The following PCDH15 variants were observed in gnomAD, a reference collection of about 807,000 sequenced individuals.
The protein encoded by PCDH15 is protocadherin related 15, also known as protocadherin-15.
A neutral mutation model predicts 178.5 loss-of-function variants in PCDH15; 129 were observed. The ratio of observed to expected loss-of-function variants is 0.72; its 90% CI spans 0.63 to 0.84. The LOEUF is 0.84. PCDH15 is among the 40% of genes least tolerant of loss of function. The pLI is 0.00. For synonymous variants in PCDH15, 800 were observed against 732.0 expected (o/e 1.09, Z -1.50); for missense variants, 2,230 against 2,099.9 (o/e 1.06, Z -1.21).
intron 2 of PCDH15, among the ~76,000 whole-genome samples, chr10:54,530,168 G>A (rs2083766492): frequency 6.6e-6 from 1 of 151,984 alleles, no homozygotes; most frequent in South Asian, 2.1e-4. Context: ...TCATATTCCA[G>A]CCCTTCCTCA....
chr10:54,056,870 G>A (rs186502895), intron 18 of PCDH15, among the ~76,000 whole-genome samples: 1 of 152,210 alleles, frequency 6.6e-6, no homozygotes, highest in African/African-American at 2.4e-5. Flanking sequence ...GGGGATACAG[G>A]CATTGGGTAA....
chr10:54,164,792 T>G (rs1049246847), intron 13 of PCDH15, among the ~76,000 whole-genome samples: 3 of 151,926 alleles, frequency 2.0e-5, no homozygotes, highest in Non-Finnish European at 4.4e-5. Context: ...TGAGTGCAGA[T>G]GACTTAGAAG....
At chr10:55,459,558 C>G (rs1270294563) in intron 2 of PCDH15, among the ~76,000 whole-genome samples, 1 of 151,918 alleles carries the variant, frequency 6.6e-6, no homozygotes, top group African/African-American at 2.4e-5. Flanking sequence ...GTGAGCAAGG[C>G]TGAAGTGGGA....
At chr10:54,235,680 T>C (rs1175024806) in intron 9 of PCDH15, among the ~76,000 whole-genome samples, 2 of 152,164 alleles carry the variant, frequency 1.3e-5, no homozygotes, top group African/African-American at 4.8e-5. Context: ...TGTTTTAATG[T>C]TTTTTAGCCA....
rs149105799 is a variant in PCDH15, at chr10:55,172,621, T to C, written c.-155-5970A>G. Among the ~76,000 whole-genome samples the C allele has an allele frequency of 3.1e-3, 474 of 152,184 alleles. 1 individual carries two copies. Among genetic ancestry groups the C allele is most frequent in the South Asian group, 0.02 (96 of 4,832 alleles). ...CTACAATAACTCCATGAAATTATTTTTGGCATACTTCAAGAGTATGTATTT... is the reference window on the plus strand; with the variant it reads ...CTACAATAACTCCATGAAATTATTTCTGGCATACTTCAAGAGTATGTATTT... On this transcript the variant is annotated intron_variant, in intron 1 of 5. Coordinates refer to the PCDH15 transcript ENST00000458638.
intron 1 of PCDH15, among the ~76,000 whole-genome samples, chr10:55,261,676 A>T (rs921941167): frequency 6.6e-6 from 1 of 152,212 alleles, no homozygotes; most frequent in African/African-American, 2.4e-5. Context: ...GGTTCCTTAG[A>T]TGACTATTCT....
At chr10:54,161,212 G>T (rs1488829501) in intron 13 of PCDH15, among the ~76,000 whole-genome samples, 1 of 152,112 alleles carries the variant, frequency 6.6e-6, no homozygotes, top group African/African-American at 2.4e-5. Flanking sequence ...GTAACTCAAA[G>T]AAACAGATAT....
intron 8 of PCDH15, among the ~76,000 whole-genome samples, chr10:54,297,261 A>T (rs1325438859): frequency 6.6e-6 from 1 of 152,080 alleles, no homozygotes; most frequent in Non-Finnish European, 1.5e-5. Flanking sequence ...AATGCATCCT[A>T]AGCCATTGGG....
chr10:54,267,093 C>A (rs1473583272), intron 8 of PCDH15, among the ~76,000 whole-genome samples: 1 of 151,782 alleles, frequency 6.6e-6, no homozygotes, highest in Non-Finnish European at 1.5e-5. Flanking sequence ...ATCAAGTGAA[C>A]TTTATTCCTG....
intron 2 of PCDH15, among the ~76,000 whole-genome samples, chr10:55,518,132 T>C (rs10825537): frequency 0.75 from 113,383 of 151,968 alleles, 43,201 homozygotes; most frequent in East Asian, 0.99. Context: ...TCACATAGAA[T>C]AACTCTCTTC....
chr10:54,978,328 T>G (rs1839128581), intron 2 of PCDH15, among the ~76,000 whole-genome samples: 1 of 152,094 alleles, frequency 6.6e-6, no homozygotes, highest in Non-Finnish European at 1.5e-5. Flanking sequence ...CAAAACAATA[T>G]GAGTAGACTA....
chr10:54,040,326 G>C (rs2135508144), intron 18 of PCDH15, among the ~76,000 whole-genome samples: 1 of 152,028 alleles, frequency 6.6e-6, no homozygotes, highest in South Asian at 2.1e-4. Flanking sequence ...TAGTGAATAA[G>C]TCTCATGAGG....
chr10:53,810,587 C>A lies in PCDH15; in HGVS notation c.4640G>T (p.Gly1547Val). 1 of 1,613,812 alleles carries A rather than the reference C, an allele frequency of 6.2e-7. No individual in the cohort carries two copies. The highest frequency in any genetic ancestry group is 8.5e-7 in the Non-Finnish European group (1 of 1,179,806). ...CTCCTCATATTCTTCCTCAGCTTCA[C>A]CAACCACCTCACCATATTCCTCCTG... Reference protein sequence around the residue: ...AGQEEYGEVVGEAEEEYEEEE... With the variant: ...AGQEEYGEVVVEAEEEYEEEE... Residue 1547 changes from glycine to valine, a missense_variant, in exon 37 of 38, where the codon GGT (glycine) becomes GTT (valine). Gly to Val is a moderately radical substitution (Grantham distance 109). Transcript: ENST00000644397.
chr10:54,079,464 T>C, intron 16 of PCDH15, 40 bp from the exon 17 acceptor site: 2 of 1,560,520 alleles, frequency 1.3e-6, no homozygotes, highest in South Asian at 1.1e-5. Flanking sequence ...CAAAAAGAGA[T>C]ATTATGTCAC....
At chr10:55,483,078 C>A (rs1287195831) in intron 2 of PCDH15, among the ~76,000 whole-genome samples, 1 of 151,608 alleles carries the variant, frequency 6.6e-6, no homozygotes, top group African/African-American at 2.4e-5. Flanking sequence ...TAAGCATGGG[C>A]AAAGATTTCA....
At chr10:54,847,749 T>C in intron 3 of PCDH15, among the ~76,000 whole-genome samples, 1 of 152,216 alleles carries the variant, frequency 6.6e-6, no homozygotes, top group East Asian at 1.9e-4. Flanking sequence ...AATAAATGTG[T>C]ATTGAGCACC....
Position 54,916,557 on chromosome 10 carries a change from C to A in PCDH15, c.-79-19057G>T, listed in dbSNP as rs942463418. ...TTAAAACAAAACATTTTTAAAGTTT[C>A]TATTTTTTAAAGCTGTGTATTATGA... On this transcript the variant is annotated intron_variant, in intron 2 of 5. Transcript: ENST00000458638. Among the ~76,000 whole-genome samples, 3 of 151,982 alleles carry A rather than the reference C, an allele frequency of 2.0e-5. No individual in the cohort carries two copies. In the South Asian group the frequency reaches 6.2e-4, roughly 32 times the overall value.
chr10:54,627,434 C>T (rs956437246), intron 2 of PCDH15, among the ~76,000 whole-genome samples: 1 of 152,082 alleles, frequency 6.6e-6, no homozygotes, highest in African/African-American at 2.4e-5. Flanking sequence ...ATGGGTCTCA[C>T]GAGATCTGAT....
intron 2 of PCDH15, among the ~76,000 whole-genome samples, chr10:55,355,625 T>C (rs1159455762): frequency 6.6e-6 from 1 of 151,892 alleles, no homozygotes; most frequent in Non-Finnish European, 1.5e-5. Flanking sequence ...GTGTTTCGAG[T>C]TCTTAATATT....
Sources: allele counts gnomAD v4.1 joint callset (sites outside exome capture counted in the v4.1 genomes callset), GRCh38; gene constraint gnomAD v4.1.1; transcripts MANE v1.5; gene names NCBI Gene and HGNC (gene_info 2026-07-23, HGNC 2026-07-21).